The following DNAH10 variants were observed in gnomAD, a reference collection of about 807,000 sequenced individuals.
The protein encoded by DNAH10 is axonemal beta dynein heavy chain 10.
A neutral mutation model predicts 506.6 loss-of-function variants in DNAH10; 348 were observed. The observed-to-expected ratio is 0.69, with a 90% CI of 0.63 to 0.75. DNAH10 has a LOEUF of 0.75. Among genes scored for constraint, DNAH10 ranks in the 30% least tolerant of loss-of-function variants. The pLI, the probability that DNAH10 is intolerant of heterozygous loss-of-function variation, is 0.00. For synonymous variants in DNAH10, 2,059 were observed against 2,198.6 expected (o/e 0.94, Z 1.78); for missense variants, 5,179 against 5,787.1 (o/e 0.89, Z 3.41).
chr12:123,882,488 C>A (rs1393535655), intron 51 of DNAH10, among the ~76,000 whole-genome samples: 1 of 152,198 alleles, frequency 6.6e-6, no homozygotes, highest in Non-Finnish European at 1.5e-5. Context: ...CCACAGTCTA[C>A]TTTAGAACAC....
chr12:123,897,355 T>C (rs1296170646), intron 54 of DNAH10, among the ~76,000 whole-genome samples: 1 of 152,222 alleles, frequency 6.6e-6, no homozygotes, highest in African/African-American at 2.4e-5. Flanking sequence ...CTTTGGGGTA[T>C]ATACCTAGGA....
In DNAH10 at chr12:123,843,570, CTTATTTAT is replaced by C. The variant is rs60298628; in HGVS notation, c.5361-2012_5361-2005del. ...AATGTTATTTTTATTGCTTTTCCTA[CTTATTTAT>C]TTATTTATTTATTTATTGAGACAGA... On this transcript the variant is annotated intron_variant, in intron 30 of 78. Coordinates refer to ENST00000673944, the MANE Select transcript of DNAH10 (RefSeq NM_001372106.1). Among the ~76,000 whole-genome samples, 897 of 151,786 alleles carry C rather than the reference CTTATTTAT, an allele frequency of 5.9e-3. 8 individuals are homozygous for C. The highest frequency in any genetic ancestry group is 0.021 in the African/African-American group (847 of 41,230).
At position 123,871,437 on chromosome 12, in the gene DNAH10, G is replaced by C; in HGVS notation, c.7640-20G>C. The C allele has an allele frequency of 6.3e-7, 1 of 1,583,018 alleles. No individual in the cohort carries two copies. The highest frequency in any genetic ancestry group is 1.2e-5 in the South Asian group (1 of 86,636). ...CTATTGGAGTTGCTGAGATGCCCCT[G>C]TTCCTAATGTCTACTTTAGTTCACA... On this transcript the variant is annotated intron_variant, in intron 44 of 78. Transcript: ENST00000673944.
chr12:123,877,885 T>C lies in DNAH10; in HGVS notation c.8349T>C (p.Gly2783=), dbSNP rs1952330107. Residue 2783 remains glycine (G), a synonymous_variant, in exon 48 of 79, where the codon GGT becomes GGC. Transcript: ENST00000673944. Reference sequence around the variant, plus strand: ...GAGATCTCTCACGGGTTTTTAATGGTCTTGTCCTCACTAACCCGGAGCGGT... The same window carrying C: ...GAGATCTCTCACGGGTTTTTAATGGCCTTGTCCTCACTAACCCGGAGCGGT... ...NLRDLSRVFN[G]LVLTNPERFQ... 6.2e-7 allele frequency: 1 copy of C among 1,613,888 alleles called. No individual in the cohort carries two copies. The highest frequency in any genetic ancestry group is 1.7e-5 in the Admixed American group (1 of 59,994).
chr12:123,799,128 A>T, intron 13 of DNAH10, 118 bp from the exon 14 acceptor site: 5 of 578,932 alleles, frequency 8.6e-6, no homozygotes, highest in Non-Finnish European at 1.1e-5. Context: ...AAAAAATTAT[A>T]TAATGTTTAT....
rs756295717 is a variant in DNAH10, at chr12:123,910,710, G to A, written c.10134+38G>A. ...TGTAAGACTGCCACACCACTGCCAA[G>A]GGACCCATTCAGAGTCAGAATTCAC... is the stretch of plus-strand genomic sequence containing the variant. On this transcript the variant is annotated intron_variant, in intron 59 of 78. Transcript: ENST00000673944. 4 of 1,606,482 alleles carry A rather than the reference G, an allele frequency of 2.5e-6. No individual in the cohort carries two copies. The African/African-American group carries it at 4.0e-5, about 16-fold the overall frequency.
intron 70 of DNAH10, 200 bp from the exon 71 acceptor site, chr12:123,929,068 AGACTCTT>A: frequency 1.6e-6 from 1 of 610,294 alleles, no homozygotes; most frequent in Admixed American, 3.0e-5. Flanking sequence ...GGAAGGTCAA[AGACTCTT>A]GACCCTTGAC....
intron 54 of DNAH10, among the ~76,000 whole-genome samples, chr12:123,896,136 CACACACACACACAGAGAG>C (rs1463775672): frequency 6.2e-5 from 7 of 112,926 alleles, no homozygotes; most frequent in Non-Finnish European, 1.2e-4. Flanking sequence ...CACACACACA[CACACACACACACAGAGAG>C]AGAGAGAGAG....
intron 38 of DNAH10, 64 bp downstream of exon 38, chr12:123,859,332 C>A: frequency 7.8e-7 from 1 of 1,289,276 alleles, no homozygotes; most frequent in Non-Finnish European, 1.0e-6. Flanking sequence ...TGTTTGGTGC[C>A]AGTATTACCA....
chr12:123,820,540 A>T, intron 23 of DNAH10, 40 bp from the exon 24 acceptor site: 9 of 1,588,710 alleles, frequency 5.7e-6, no homozygotes, highest in Non-Finnish European at 7.7e-6. Context: ...GTACACCTTA[A>T]AATTGTATTT....
chr12:123,901,360 G>A (rs1365156100), intron 56 of DNAH10, among the ~76,000 whole-genome samples: 1 of 152,140 alleles, frequency 6.6e-6, no homozygotes, highest in Non-Finnish European at 1.5e-5. Context: ...TTCCACACTC[G>A]TGATCTTGCT....
intron 36 of DNAH10, among the ~76,000 whole-genome samples, chr12:123,855,074 C>T (rs77440473): frequency 0.078 from 11,826 of 152,256 alleles, 612 homozygotes; most frequent in Middle Eastern, 0.14. Flanking sequence ...CAGAAGCCCC[C>T]GTCAGTTGCT....
At chr12:123,799,061 C>T (rs897680756) in intron 13 of DNAH10, among the ~76,000 whole-genome samples, 185 bp from the exon 14 acceptor site, 14 of 144,588 alleles carry the variant, frequency 9.7e-5, no homozygotes, top group South Asian at 4.3e-4. Flanking sequence ...GCTGAGATCG[C>T]GCTACTACAC....
At chr12:123,904,596 G>A (rs1352365738) in intron 57 of DNAH10, among the ~76,000 whole-genome samples, 1 of 152,132 alleles carries the variant, frequency 6.6e-6, no homozygotes, top group Non-Finnish European at 1.5e-5. Flanking sequence ...ATTGCAGACA[G>A]GTGCCCCGCT....
chr12:123,875,969 A>G (rs1385251371), intron 47 of DNAH10, among the ~76,000 whole-genome samples: 8 of 152,340 alleles, frequency 5.3e-5, no homozygotes, highest in Admixed American at 3.3e-4. Context: ...TGCCTAGTGC[A>G]CACTGCCTAG....
At chr12:123,923,184 C>T (rs1307696395) in intron 65 of DNAH10, 1 of 152,170 alleles carries the variant, frequency 6.6e-6, no homozygotes, top group Non-Finnish European at 1.5e-5. Flanking sequence ...TTGGCAACCC[C>T]CTAGCCAGCA....
chr12:123,892,330 G>C (rs1221448540), intron 52 of DNAH10, among the ~76,000 whole-genome samples: 1 of 152,136 alleles, frequency 6.6e-6, no homozygotes, highest in African/African-American at 2.4e-5. Flanking sequence ...AGCAAGGTTG[G>C]GGGAGGGGCC....
intron 5 of DNAH10, among the ~76,000 whole-genome samples, chr12:123,779,621 G>GAGAA (rs1210943015): frequency 6.6e-5 from 10 of 151,322 alleles, no homozygotes; most frequent in Admixed American, 3.3e-4. Flanking sequence ...GAGAGAGAGA[G>GAGAA]AAACAAAACC....
chr12:123,849,718 A>C (rs541452356), intron 34 of DNAH10, among the ~76,000 whole-genome samples: 1 of 152,130 alleles, frequency 6.6e-6, no homozygotes, highest in Non-Finnish European at 1.5e-5. Flanking sequence ...GAAAACTCCT[A>C]TACATCCTTT....
Sources: gnomAD v4.1 joint callset for allele counts (sites outside exome capture counted in the v4.1 genomes callset) on GRCh38, gnomAD v4.1.1 for gene constraint, MANE v1.5 for transcripts, NCBI Gene and HGNC (gene_info 2026-07-23, HGNC 2026-07-21) for gene names.